NIM1K: variants seen among roughly 807,000 people sequenced by gnomAD.
NIM1K encodes NIM1 serine/threonine protein kinase, also known as serine/threonine-protein kinase NIM1.
A neutral mutation model predicts 37.1 loss-of-function variants in NIM1K; 35 were observed. The ratio of observed to expected loss-of-function variants is 0.94; its 90% CI spans 0.72 to 1.25. The LOEUF (loss-of-function observed/expected upper bound fraction) is 1.25. Among genes scored for constraint, NIM1K ranks in the 50% most tolerant of loss-of-function variants. The probability of loss-of-function intolerance (pLI) is 0.00; values close to 1 mark genes in which losing one functional copy is unlikely to be tolerated. For synonymous variants in NIM1K, 234 were observed against 206.6 expected (o/e 1.13, Z -1.14); for missense variants, 564 against 548.0 (o/e 1.03, Z -0.29).
At chr5:43,275,846 T>C (rs1340825536) in intron 2 of NIM1K, among the ~76,000 whole-genome samples, 1 of 151,970 alleles carries the variant, frequency 6.6e-6, no homozygotes, top group Non-Finnish European at 1.5e-5. Context: ...TAATGATGAG[T>C]GTATTAAGCC....
chr5:43,206,602 T>C (rs1426391322), intron 1 of NIM1K: 9 of 604,506 alleles, frequency 1.5e-5, no homozygotes, highest in Non-Finnish European at 2.4e-5. Context: ...GAGCAAGTGC[T>C]AGTCCTGGCC....
At chr5:43,223,260 G>T (rs1013887322) in intron 1 of NIM1K, among the ~76,000 whole-genome samples, 1 of 152,076 alleles carries the variant, frequency 6.6e-6, no homozygotes, top group African/African-American at 2.4e-5. Context: ...TTGAATCCCA[G>T]CTGGGGAGAG....
At chr5:43,197,938 T>C (rs1751942012) in intron 1 of NIM1K, among the ~76,000 whole-genome samples, 1 of 152,236 alleles carries the variant, frequency 6.6e-6, no homozygotes, top group African/African-American at 2.4e-5. Flanking sequence ...AGCTTAAAAA[T>C]AATGTTTGTT....
intron 1 of NIM1K, among the ~76,000 whole-genome samples, chr5:43,221,679 G>A (rs919642771): frequency 6.6e-6 from 1 of 152,122 alleles, no homozygotes; most frequent in Non-Finnish European, 1.5e-5. Flanking sequence ...AGAAACAGCC[G>A]GATTGGTTAT....
chr5:43,238,379 G>A (rs928023199), intron 1 of NIM1K, among the ~76,000 whole-genome samples: 3 of 151,670 alleles, frequency 2.0e-5, no homozygotes, highest in Admixed American at 2.0e-4. Flanking sequence ...GCTCTTTCTT[G>A]TTGTCTGAAT....
At chr5:43,252,290 C>T (rs762977002) in intron 2 of NIM1K, among the ~76,000 whole-genome samples, 4 of 151,922 alleles carry the variant, frequency 2.6e-5, no homozygotes, top group Non-Finnish European at 5.9e-5. Flanking sequence ...CCTTGTGTGG[C>T]CTCACTGACA....
At chr5:43,228,076 G>A (rs145668540) in intron 1 of NIM1K, among the ~76,000 whole-genome samples, 11 of 152,136 alleles carry the variant, frequency 7.2e-5, no homozygotes, top group Non-Finnish European at 1.6e-4. Context: ...TCCCTCAGAA[G>A]CACAGTTTCT....
At chr5:43,235,690 A>G (rs1219516546) in intron 1 of NIM1K, among the ~76,000 whole-genome samples, 2 of 152,210 alleles carry the variant, frequency 1.3e-5, no homozygotes. Flanking sequence ...GGTTAAATAA[A>G]CTTGGGGACC....
chr5:43,270,930 A>G (rs2111558482), intron 2 of NIM1K, among the ~76,000 whole-genome samples: 1 of 152,334 alleles, frequency 6.6e-6, no homozygotes, highest in East Asian at 1.9e-4. Context: ...ACCAAGTGGT[A>G]TTGATTTCAC....
chr5:43,228,786 G>C (rs959988119), intron 1 of NIM1K, among the ~76,000 whole-genome samples: 1 of 152,018 alleles, frequency 6.6e-6, no homozygotes, highest in South Asian at 2.1e-4. Flanking sequence ...AACTGAGATC[G>C]TTCCACTGTA....
rs1248787472 is a variant in NIM1K, at chr5:43,196,573, T to C, written c.-695+4162T>C. Among the ~76,000 whole-genome samples, 3 of 151,792 alleles carry C rather than the reference T, an allele frequency of 2.0e-5. No individual in the cohort carries two copies. In the East Asian group the frequency reaches 5.8e-4, roughly 29 times the overall value. On this transcript the variant is annotated intron_variant, in intron 1 of 3. Coordinates refer to ENST00000326035, the MANE Select transcript of NIM1K (RefSeq NM_153361.4). ...TGGCTTGAGCCTGAGAGATGGAGCT[T>C]GTAGTGAGCCGAGATCGCGCCACTG...
At chr5:43,230,917 A>C (rs1354561945) in intron 1 of NIM1K, among the ~76,000 whole-genome samples, 2 of 152,276 alleles carry the variant, frequency 1.3e-5, no homozygotes, top group African/African-American at 4.8e-5. Flanking sequence ...CCTGACACCC[A>C]GTAGTGACTC....
At position 43,267,517 on chromosome 5, in the gene NIM1K, C is replaced by G. The variant is rs555817650; in HGVS notation, c.293-9540C>G. On this transcript the variant is annotated intron_variant, in intron 2 of 3. Coordinates refer to ENST00000326035, the MANE Select transcript of NIM1K (RefSeq NM_153361.4). Reference sequence around the variant, plus strand: ...GCTTTGGGTTCCTTTGTTCCTGTTTCTTTAGCTCCTTGAGGTGCGATGTTA... The same window carrying G: ...GCTTTGGGTTCCTTTGTTCCTGTTTGTTTAGCTCCTTGAGGTGCGATGTTA... Among the ~76,000 whole-genome samples, 77 of 152,046 alleles carry G rather than the reference C, an allele frequency of 5.1e-4. 1 individual carries two copies. Among genetic ancestry groups the G allele is most frequent in the African/African-American group, 1.7e-3 (72 of 41,476 alleles).
At chr5:43,251,950 C>T (rs932765973) in intron 2 of NIM1K, among the ~76,000 whole-genome samples, 1 of 152,114 alleles carries the variant, frequency 6.6e-6, no homozygotes, top group Non-Finnish European at 1.5e-5. Context: ...CTTTGAGTCA[C>T]GTGGGCCACT....
chr5:43,279,609 C>A (rs1011200697), intron 3 of NIM1K, among the ~76,000 whole-genome samples: 3 of 152,198 alleles, frequency 2.0e-5, no homozygotes, highest in Non-Finnish European at 4.4e-5. Context: ...CCAAGCCTTC[C>A]TGGTCAAACG....
chr5:43,245,674 G>A lies in NIM1K; in HGVS notation c.-102G>A, dbSNP rs914950469. On this transcript the variant is annotated 5_prime_UTR_variant, in exon 2 of 4. Coordinates refer to ENST00000326035, the MANE Select transcript of NIM1K (RefSeq NM_153361.4). ...CTCAGGAAAACTCTTTTGAACCCTG[G>A]GCACCTGCTGTCCTCAGTTGGCATC... The A allele has an allele frequency of 1.8e-6, 2 of 1,138,326 alleles. No homozygotes were observed. Among genetic ancestry groups the A allele is most frequent in the Non-Finnish European group, 2.5e-6 (2 of 806,104 alleles). 70.5% of individuals were successfully genotyped at this position (1,138,326 alleles called of 1,614,324 possible). A position where few individuals can be genotyped will look rare whatever the true frequency, so the allele number is the denominator to read the frequency against.
At chr5:43,274,522 T>C (rs1254066433) in intron 2 of NIM1K, among the ~76,000 whole-genome samples, 1 of 152,132 alleles carries the variant, frequency 6.6e-6, no homozygotes, top group African/African-American at 2.4e-5. Flanking sequence ...CTGTTTCAGA[T>C]AAATAGGTGA....
chr5:43,228,162 T>G (rs572076665), intron 1 of NIM1K, among the ~76,000 whole-genome samples: 17 of 152,250 alleles, frequency 1.1e-4, no homozygotes, highest in African/African-American at 4.1e-4. Flanking sequence ...CTTTTTTTTT[T>G]TTGACTTGGA....
At chr5:43,228,753 A>G (rs904215902) in intron 1 of NIM1K, among the ~76,000 whole-genome samples, 1 of 151,916 alleles carries the variant, frequency 6.6e-6, no homozygotes, top group Non-Finnish European at 1.5e-5. Context: ...CTCTCTTGAG[A>G]CCAGGAGGTG....
Sources: gnomAD v4.1 joint callset for allele counts (sites outside exome capture counted in the v4.1 genomes callset) on GRCh38, gnomAD v4.1.1 for gene constraint, MANE v1.5 for transcripts, NCBI Gene and HGNC (gene_info 2026-07-23, HGNC 2026-07-21) for gene names.